CELSR1: variants seen among roughly 807,000 people sequenced by gnomAD.
CELSR1 encodes adhesion G protein-coupled receptor C1.
A neutral mutation model predicts 249.1 loss-of-function variants in CELSR1; 110 were observed. The observed-to-expected ratio is 0.44, with a 90% CI of 0.38 to 0.52. CELSR1 has a LOEUF of 0.52. Ranked by LOEUF, CELSR1 falls within the 20% of genes least tolerant of loss-of-function variation. The pLI is 0.00. For synonymous variants in CELSR1, 2,113 were observed against 1,900.0 expected (o/e 1.11, Z -2.92); for missense variants, 4,109 against 4,296.4 (o/e 0.96, Z 1.22).
chr22:46,427,669 A>G lies in CELSR1; in HGVS notation c.4611+5724T>C, dbSNP rs1162698458. 6.6e-6 allele frequency among the ~76,000 whole-genome samples: 1 copy of G among 152,202 alleles called. No homozygotes were observed. The highest frequency in any genetic ancestry group is 1.5e-5 in the Non-Finnish European group (1 of 68,038). ...ATGGTTGTTGACGTTCCGCTGTCGG[A>G]GGACCTTATATTCTATTAAATACCT... On this transcript the variant is annotated intron_variant, in intron 5 of 34. Coordinates refer to ENST00000674500, the MANE Select transcript of CELSR1 (RefSeq NM_001378328.1). This position sits in a 1 kb window ranked among gnomAD's most constrained non-coding sequence, Gnocchi z 4.2.
At chr22:46,457,118 G>A (rs1290343350) in intron 2 of CELSR1, among the ~76,000 whole-genome samples, 1 of 152,186 alleles carries the variant, frequency 6.6e-6, no homozygotes, top group Non-Finnish European at 1.5e-5. Context: ...AGGCCGAGGC[G>A]GGAGGATCAG....
intron 26 of CELSR1, 104 bp downstream of exon 26, chr22:46,369,588 C>G (rs1481042252): frequency 9.8e-7 from 1 of 1,020,310 alleles, no homozygotes; most frequent in African/African-American, 1.6e-5. Flanking sequence ...TCCTGCCCCC[C>G]GTCGGCTGCT....
chr22:46,534,465 A>G lies in CELSR1; in HGVS notation c.2706T>C (p.Phe902=), dbSNP rs758642568. Residue 902 remains phenylalanine (F), a synonymous_variant, in exon 1 of 35, where the codon TTT becomes TTC. Coordinates refer to ENST00000674500, the MANE Select transcript of CELSR1 (RefSeq NM_001378328.1). The surrounding 1 kb of genome is among the most constrained non-coding windows in gnomAD (Gnocchi z 9.7). ...TGCTGGTCGAGGGTGGAGCATCCTC[A>G]AAGATGGAACCCTGGTAGAAATCCC... is the stretch of plus-strand genomic sequence containing the variant. ...FLWDFYQGSI[F]EDAPPSTSIL... is the part of the protein sequence containing the mutation. 9 of 1,613,098 alleles carry G rather than the reference A, an allele frequency of 5.6e-6. No individual in the cohort carries two copies. The highest frequency in any genetic ancestry group is 2.7e-5 in the African/African-American group (2 of 75,058).
rs542973034 is a variant in CELSR1 at position 46,423,688 on chromosome 22, A to T, written c.4611+9705T>A. 1.3e-5 allele frequency among the ~76,000 whole-genome samples: 2 copies of T among 149,584 alleles called. No individual in the cohort carries two copies. Among genetic ancestry groups the T allele is most frequent in the Non-Finnish European group, 3.0e-5 (2 of 67,552 alleles). On this transcript the variant is annotated intron_variant, in intron 5 of 34. Transcript: ENST00000674500. This position sits in a 1 kb window ranked among gnomAD's most constrained non-coding sequence, Gnocchi z 5.6. ...TATCCGATGAGCACTATTAACAAGTATGGGCCGGGTGCGGTGGCTCACGCC... is the reference window on the plus strand; with the variant it reads ...TATCCGATGAGCACTATTAACAAGTTTGGGCCGGGTGCGGTGGCTCACGCC...
Position 46,439,174 on chromosome 22 carries a change from G to T in CELSR1, c.4406+15C>A. 1 of 1,605,334 alleles carries T rather than the reference G, an allele frequency of 6.2e-7. No individual in the cohort carries two copies. Among genetic ancestry groups the T allele is most frequent in the Middle Eastern group, 1.7e-4 (1 of 6,034 alleles). ...TAAAGAGACCCCCGTGTGGCGCGGCGGGACGCACACTCACGTGAGGGAGAT... is the reference window on the plus strand; with the variant it reads ...TAAAGAGACCCCCGTGTGGCGCGGCTGGACGCACACTCACGTGAGGGAGAT... On this transcript the variant is annotated intron_variant, in intron 3 of 34. Coordinates refer to ENST00000674500, the MANE Select transcript of CELSR1 (RefSeq NM_001378328.1).
chr22:46,373,583 G>A (rs963008614), intron 24 of CELSR1, among the ~76,000 whole-genome samples: 10 of 148,940 alleles, frequency 6.7e-5, no homozygotes, highest in South Asian at 4.2e-4. Context: ...CAAAGCTGCC[G>A]CCAGCTGGGA....
At chr22:46,519,306 G>C (rs2080660913) in intron 1 of CELSR1, among the ~76,000 whole-genome samples, 2 of 152,232 alleles carry the variant, frequency 1.3e-5, no homozygotes, top group African/African-American at 2.4e-5. Flanking sequence ...CACCTCCGTA[G>C]AAACAAACAA....
At chr22:46,439,723 C>A (rs564087306) in intron 2 of CELSR1, among the ~76,000 whole-genome samples, 31 of 152,228 alleles carry the variant, frequency 2.0e-4, no homozygotes, top group African/African-American at 7.2e-4. Flanking sequence ...GCCTCCAACC[C>A]CGTTCTGAGC....
At chr22:46,421,135 A>C (rs2079466847) in intron 5 of CELSR1, among the ~76,000 whole-genome samples, 1 of 152,170 alleles carries the variant, frequency 6.6e-6, no homozygotes, top group Non-Finnish European at 1.5e-5. Flanking sequence ...TGGGGGACAC[A>C]CATGAGCCTG....
rs2080836743 is a variant in CELSR1 at position 46,535,080 on chromosome 22, A to G, written c.2091T>C (p.Asn697=). Reference sequence around the variant, plus strand: ...CGCTGCTCCCCACGGCCGCATCCTCATTCAGACGAAGCTCGTAGGTGGGCT... The same window carrying G: ...CGCTGCTCCCCACGGCCGCATCCTCGTTCAGACGAAGCTCGTAGGTGGGCT... ...FTQPTYELRL[N]EDAAVGSSVL... The change falls in exon 1 of 35, where the codon AAT becomes AAC. Residue 697 remains asparagine, a synonymous_variant. Coordinates refer to ENST00000674500, the MANE Select transcript of CELSR1 (RefSeq NM_001378328.1). 5 of 1,612,416 alleles carry G rather than the reference A, an allele frequency of 3.1e-6. No individual in the cohort carries two copies. In the East Asian group the frequency reaches 1.1e-4, roughly 36 times the overall value.
chr22:46,436,122 C>A lies in CELSR1; in HGVS notation c.4522+52G>T, dbSNP rs181779135. On this transcript the variant is annotated intron_variant, in intron 4 of 34. Coordinates refer to ENST00000674500, the MANE Select transcript of CELSR1 (RefSeq NM_001378328.1). This position sits in a 1 kb window ranked among gnomAD's most constrained non-coding sequence, Gnocchi z 5.9. ...ACAGGGCGAGGGTCGTTTTAACCCA[C>A]AAAGTATCTGTGAATTGCTCAGAGC... is the stretch of plus-strand genomic sequence containing the variant. The A allele has an allele frequency of 2.9e-5, 43 of 1,490,826 alleles. No homozygotes were observed. Among genetic ancestry groups the A allele is most frequent in the Non-Finnish European group, 3.8e-5 (41 of 1,071,024 alleles). 92.3% of individuals were successfully genotyped at this position (1,490,826 alleles called of 1,614,324 possible).
rs1459520076 is a variant in CELSR1 at position 46,484,012 on chromosome 22, A to G, written c.3545-19667T>C. ...AGCCACATCCCTTGCCTCCAGGTAA[A>G]GGAGCACAACTGTCAATTTCACGGA... On this transcript the variant is annotated intron_variant, in intron 1 of 34. Coordinates refer to ENST00000674500, the MANE Select transcript of CELSR1 (RefSeq NM_001378328.1). The surrounding 1 kb of genome is among the most constrained non-coding windows in gnomAD (Gnocchi z 4.5). Among the ~76,000 whole-genome samples, 4 of 152,338 alleles carry G rather than the reference A, an allele frequency of 2.6e-5. No individual in the cohort carries two copies. The highest frequency in any genetic ancestry group is 9.6e-5 in the African/African-American group (4 of 41,576).
chr22:46,481,377 G>C, intron 1 of CELSR1: 3 of 955,598 alleles, frequency 3.1e-6, no homozygotes, highest in African/African-American at 3.3e-5. Flanking sequence ...TCATAGTTGG[G>C]AGCAGGTGCA....
chr22:46,370,120 G>C, intron 25 of CELSR1: 1 of 490,360 alleles, frequency 2.0e-6, no homozygotes, highest in Non-Finnish European at 4.0e-6. Flanking sequence ...AGGAGGGATC[G>C]TGAAGGCAGA....
At position 46,473,883 on chromosome 22, in the gene CELSR1, C is replaced by T. The variant is rs567773593; in HGVS notation, c.3545-9538G>A. ...CAGGTGCGATGTGTTGATCCTGCTACCTGAGGGCGTGTGGCTTTTCTCCTT... is the reference window on the plus strand; with the variant it reads ...CAGGTGCGATGTGTTGATCCTGCTATCTGAGGGCGTGTGGCTTTTCTCCTT... On this transcript the variant is annotated intron_variant, in intron 1 of 34. Coordinates refer to ENST00000674500, the MANE Select transcript of CELSR1 (RefSeq NM_001378328.1). The surrounding 1 kb of genome is among the most constrained non-coding windows in gnomAD (Gnocchi z 6.6). 6.6e-6 allele frequency among the ~76,000 whole-genome samples: 1 copy of T among 152,246 alleles called. No homozygotes were observed. Among genetic ancestry groups the T allele is most frequent in the South Asian group, 2.1e-4 (1 of 4,830 alleles).
At chr22:46,389,114 G>A (rs903961869) in intron 18 of CELSR1, among the ~76,000 whole-genome samples, 176 bp downstream of exon 18, 4 of 152,216 alleles carry the variant, frequency 2.6e-5, no homozygotes, top group African/African-American at 4.8e-5. Flanking sequence ...AACGCTCGTC[G>A]TCAGTTTAGT....
At position 46,363,958 on chromosome 22, in the gene CELSR1, A is replaced by T; in HGVS notation, c.9035+38T>A. The T allele has an allele frequency of 6.5e-7, 1 of 1,541,106 alleles. No individual in the cohort carries two copies. Among genetic ancestry groups the T allele is most frequent in the Non-Finnish European group, 8.7e-7 (1 of 1,144,964 alleles). Reference sequence around the variant, plus strand: ...CTCTCCTGACTCAGGACAAGGGGGAAGTGGGTGATCCCCGCCCTGGAGGCC... The same window carrying T: ...CTCTCCTGACTCAGGACAAGGGGGATGTGGGTGATCCCCGCCCTGGAGGCC... On this transcript the variant is annotated intron_variant, in intron 34 of 34. Transcript: ENST00000674500. This position sits in a 1 kb window ranked among gnomAD's most constrained non-coding sequence, Gnocchi z 4.3.
rs528659161 is a variant in CELSR1 at position 46,527,154 on chromosome 22, G to A, written c.3544+6473C>T. On this transcript the variant is annotated intron_variant, in intron 1 of 34. Transcript: ENST00000674500. This position sits in a 1 kb window ranked among gnomAD's most constrained non-coding sequence, Gnocchi z 5.5. The stretch of plus-strand genomic sequence containing the variant: ...GGTACTTTCCATACCACAGTGTGGC[G>A]GCTGGAAAACTGCAAGCGATGGGGC... Among the ~76,000 whole-genome samples, 12 of 152,272 alleles carry A rather than the reference G, an allele frequency of 7.9e-5. No homozygotes were observed. In the South Asian group the frequency reaches 1.7e-3, roughly 21 times the overall value.
intron 2 of CELSR1, among the ~76,000 whole-genome samples, chr22:46,451,622 G>A (rs369029819): frequency 5.1e-4 from 77 of 152,066 alleles, no homozygotes; most frequent in Middle Eastern, 3.4e-3. Context: ...AATCACCCTC[G>A]GGGACACAGC....
Sources: allele counts gnomAD v4.1 joint callset (sites outside exome capture counted in the v4.1 genomes callset), GRCh38; gene constraint gnomAD v4.1.1; non-coding constraint Gnocchi (gnomAD v3.1); transcripts MANE v1.5; gene names NCBI Gene and HGNC (gene_info 2026-07-23, HGNC 2026-07-21).